Variants in ADGRB3 observed in about 807,000 individuals in gnomAD.
ADGRB3 encodes brain-specific angiogenesis inhibitor 3.
Under a neutral mutation model 193.4 loss-of-function variants are expected in ADGRB3, and 37 were observed. The observed-to-expected ratio is 0.19, with a 90% CI of 0.15 to 0.25. ADGRB3 has a LOEUF of 0.25. Among genes scored for constraint, ADGRB3 ranks in the 10% least tolerant of loss-of-function variants. ADGRB3 has a pLI of 1.00. For synonymous variants in ADGRB3, 690 were observed against 644.2 expected (o/e 1.07, Z -1.08); for missense variants, 1,637 against 1,852.9 (o/e 0.88, Z 2.14).
intron 6 of ADGRB3, among the ~76,000 whole-genome samples, chr6:68,947,146 A>G (rs2150252640): frequency 6.6e-6 from 1 of 152,188 alleles, no homozygotes; most frequent in South Asian, 2.1e-4. Flanking sequence ...CAACAAAAGG[A>G]ATTTCCTGGC....
At chr6:68,648,177 A>G (rs140801682) in intron 3 of ADGRB3, among the ~76,000 whole-genome samples, 75 of 152,298 alleles carry the variant, frequency 4.9e-4, no homozygotes, top group African/African-American at 1.7e-3. Context: ...ATAAGTAACA[A>G]ATGCACTAAA....
Position 68,900,176 on chromosome 6 carries a change from G to C in ADGRB3, c.758-30383G>C, listed in dbSNP as rs764597709. ...TGTAATAATAGGATGACAGTCAAATGAATATACTCTTATATTGTTGGTGGC... is the reference window on the plus strand; with the variant it reads ...TGTAATAATAGGATGACAGTCAAATCAATATACTCTTATATTGTTGGTGGC... On this transcript the variant is annotated intron_variant, in intron 3 of 31. Transcript: ENST00000370598. Among the ~76,000 whole-genome samples, 131 of 152,074 alleles carry C rather than the reference G, an allele frequency of 8.6e-4. 1 individual carries two copies. The highest frequency in any genetic ancestry group is 2.9e-4 in the Non-Finnish European group (20 of 68,000).
chr6:68,845,080 A>G (rs1191283894), intron 3 of ADGRB3, among the ~76,000 whole-genome samples: 1 of 152,198 alleles, frequency 6.6e-6, no homozygotes, highest in African/African-American at 2.4e-5. Flanking sequence ...ACTACAGTCA[A>G]TAATAATTTC....
chr6:68,706,431 G>C (rs1258738024), intron 3 of ADGRB3, among the ~76,000 whole-genome samples: 1 of 152,172 alleles, frequency 6.6e-6, no homozygotes, highest in Admixed American at 6.6e-5. Context: ...ATAAGAAAAA[G>C]CTTGTTACGA....
At chr6:68,773,166 AG>A (rs1387389550) in intron 3 of ADGRB3, among the ~76,000 whole-genome samples, 1 of 151,812 alleles carries the variant, frequency 6.6e-6, no homozygotes, top group Non-Finnish European at 1.5e-5. Context: ...ATTTTTTCTC[AG>A]CCACAACTTA....
chr6:69,315,505 T>C (rs1768292149), intron 20 of ADGRB3, among the ~76,000 whole-genome samples: 1 of 151,536 alleles, frequency 6.6e-6, no homozygotes, highest in African/African-American at 2.4e-5. Context: ...GTTTTAGCCA[T>C]TATCTTATTT....
intron 3 of ADGRB3, among the ~76,000 whole-genome samples, chr6:68,785,798 C>A (rs1219070885): frequency 1.3e-5 from 2 of 152,176 alleles, no homozygotes; most frequent in Admixed American, 1.3e-4. Context: ...TCCTATATCT[C>A]TACATCCTCT....
At chr6:69,327,413 G>A (rs1371032525) in intron 21 of ADGRB3, among the ~76,000 whole-genome samples, 7 of 152,002 alleles carry the variant, frequency 4.6e-5, no homozygotes, top group Admixed American at 3.3e-4. Context: ...ATCAATATGT[G>A]GCCAATGGAA....
chr6:69,266,953 C>T (rs1471906685), intron 20 of ADGRB3, among the ~76,000 whole-genome samples: 5 of 152,120 alleles, frequency 3.3e-5, no homozygotes, highest in Non-Finnish European at 5.9e-5. Context: ...ATAATTGCTC[C>T]GCAGTGTCCT....
At chr6:68,994,565 C>T (rs1204681743) in intron 11 of ADGRB3, among the ~76,000 whole-genome samples, 2 of 152,182 alleles carry the variant, frequency 1.3e-5, no homozygotes, top group African/African-American at 2.4e-5. Flanking sequence ...TTTAAGTACT[C>T]ACCCAATGTC....
At chr6:69,090,109 C>A (rs977973389) in intron 17 of ADGRB3, among the ~76,000 whole-genome samples, 1 of 152,118 alleles carries the variant, frequency 6.6e-6, no homozygotes, top group Non-Finnish European at 1.5e-5. Flanking sequence ...ATTCAAGTAG[C>A]CTTCTCTGCT....
intron 17 of ADGRB3, among the ~76,000 whole-genome samples, chr6:69,184,789 G>A (rs1236691280): frequency 6.6e-6 from 1 of 152,004 alleles, no homozygotes; most frequent in Non-Finnish European, 1.5e-5. Context: ...AATATCCTTG[G>A]GGCAGAACAG....
chr6:69,104,564 AT>A (rs2150323065), intron 17 of ADGRB3, among the ~76,000 whole-genome samples: 1 of 152,126 alleles, frequency 6.6e-6, no homozygotes, highest in South Asian at 2.1e-4. Flanking sequence ...TTTTTTCAAC[AT>A]TTTAATAAAA....
chr6:68,764,149 T>C (rs1320776555), intron 3 of ADGRB3, among the ~76,000 whole-genome samples: 1 of 152,164 alleles, frequency 6.6e-6, no homozygotes, highest in Admixed American at 6.6e-5. Flanking sequence ...CCACAATTAC[T>C]CTCTCATGCG....
chr6:68,663,399 GA>G (rs1478305651), intron 3 of ADGRB3, among the ~76,000 whole-genome samples: 3 of 151,468 alleles, frequency 2.0e-5, no homozygotes, highest in African/African-American at 4.8e-5. Flanking sequence ...TCTAGTACTT[GA>G]AAAATATTTA....
chr6:68,839,005 A>T (rs147530109), intron 3 of ADGRB3, among the ~76,000 whole-genome samples: 119 of 152,002 alleles, frequency 7.8e-4, no homozygotes, highest in African/African-American at 2.4e-3. Flanking sequence ...TGGTTACATG[A>T]CCTGAGAGGA....
chr6:68,971,089 T>C (rs955129899), intron 8 of ADGRB3, among the ~76,000 whole-genome samples: 2 of 152,166 alleles, frequency 1.3e-5, no homozygotes, highest in African/African-American at 4.8e-5. Context: ...CCAAGAAAGA[T>C]ACCTGAACCA....
intron 20 of ADGRB3, among the ~76,000 whole-genome samples, chr6:69,297,959 A>T (rs1767865337): frequency 6.6e-6 from 1 of 151,996 alleles, no homozygotes; most frequent in Admixed American, 6.6e-5. Flanking sequence ...AAGTTTGTTT[A>T]TTTTTGTTAC....
At chr6:69,058,192 A>T (rs893578318) in intron 15 of ADGRB3, among the ~76,000 whole-genome samples, 1 of 150,538 alleles carries the variant, frequency 6.6e-6, no homozygotes, top group Non-Finnish European at 1.5e-5. Flanking sequence ...AAATCTGTCT[A>T]TTTCTTTTAG....
Sources: allele counts gnomAD v4.1 joint callset (sites outside exome capture counted in the v4.1 genomes callset), GRCh38; gene constraint gnomAD v4.1.1; transcripts MANE v1.5; gene names NCBI Gene and HGNC (gene_info 2026-07-23, HGNC 2026-07-21).